Variants in ST3GAL4 observed in about 807,000 individuals in gnomAD.
ST3GAL4 encodes ST3 beta-galactoside alpha-2,3-sialyltransferase 4.
In ST3GAL4, 24 loss-of-function variants were observed where a neutral mutation model predicts 42.6. That is an observed-to-expected ratio of 0.56 (90% confidence interval 0.41 to 0.79). The LOEUF (loss-of-function observed/expected upper bound fraction) is 0.79. Among genes scored for constraint, ST3GAL4 ranks in the 30% least tolerant of loss-of-function variants. ST3GAL4 has a pLI of 0.00. For missense variants in ST3GAL4, 311 were observed against 430.8 expected, an observed-to-expected ratio of 0.72 and a Z score of 2.46; for synonymous variants, 135 against 163.2, an observed-to-expected ratio of 0.83 and a Z score of 1.32.
At position 126,398,546 on chromosome 11, in the gene ST3GAL4, T is replaced by A. The variant is rs1265380174; in HGVS notation, c.-60-7550T>A. Among the ~76,000 whole-genome samples the A allele has an allele frequency of 6.6e-6, 1 of 152,150 alleles. No individual in the cohort carries two copies. Among genetic ancestry groups the A allele is most frequent in the Non-Finnish European group, 1.5e-5 (1 of 68,028 alleles). ...CTGGTAGCTCTGCAGTTCTGGGGTG[T>A]CAGGATGGCCTTACTCCCACAGCTC... is the stretch of plus-strand genomic sequence containing the variant. On this transcript the variant is annotated intron_variant, in intron 1 of 10. Coordinates refer to ENST00000444328, the MANE Select transcript of ST3GAL4 (RefSeq NM_001254757.2). The surrounding 1 kb of genome is among the most constrained non-coding windows in gnomAD (Gnocchi z 4.7).
chr11:126,357,991 T>TG (rs1378660391), intron 1 of ST3GAL4, among the ~76,000 whole-genome samples: 3 of 152,220 alleles, frequency 2.0e-5, no homozygotes, highest in Non-Finnish European at 2.9e-5. Flanking sequence ...AGGAGCTGGC[T>TG]GGGGGGCCTG....
rs1417281249 is a variant in ST3GAL4, at chr11:126,396,503, C to T, written c.-60-9593C>T. ...GCCTTGAACACGTACTGCAGAGCTT[C>T]CAGAGAGCACCAGGGCTGTGGGGGC... is the stretch of plus-strand genomic sequence containing the variant. On this transcript the variant is annotated intron_variant, in intron 1 of 10. Coordinates refer to ENST00000444328, the MANE Select transcript of ST3GAL4 (RefSeq NM_001254757.2). This position sits in a 1 kb window ranked among gnomAD's most constrained non-coding sequence, Gnocchi z 5.8. Among the ~76,000 whole-genome samples the T allele has an allele frequency of 6.6e-6, 1 of 151,920 alleles. No individual in the cohort carries two copies. The highest frequency in any genetic ancestry group is 1.5e-5 in the Non-Finnish European group (1 of 68,016).
chr11:126,387,505 C>G (rs1953273996), intron 1 of ST3GAL4, among the ~76,000 whole-genome samples: 1 of 151,896 alleles, frequency 6.6e-6, no homozygotes, highest in Non-Finnish European at 1.5e-5. Context: ...TGGTGAGACC[C>G]CATCTCTCCA....
rs1429394566 is a variant in ST3GAL4 at position 126,407,575 on chromosome 11, G to C, written c.282G>C (p.Glu94Asp). Residue 94 changes from glutamate (E) to aspartate (D), a missense_variant and splice_region_variant, in exon 6 of 11, where the codon GAG (glutamate) becomes GAC (aspartate). By Grantham distance (45) the Glu-to-Asp change is conservative. Coordinates refer to ENST00000444328, the MANE Select transcript of ST3GAL4 (RefSeq NM_001254757.2). Reference protein sequence around the residue: ...YELPYGTKGSEDLLLRVLAIT... With the variant: ...YELPYGTKGSDDLLLRVLAIT... ...CCCTCCGCCTGGTACTTTTTGTAGA[G>C]GATCTGCTCCTCCGGGTGCTAGCCA... 1.9e-6 allele frequency: 3 copies of C among 1,613,990 alleles called. No individual in the cohort carries two copies. Among genetic ancestry groups the C allele is most frequent in the Non-Finnish European group, 2.5e-6 (3 of 1,180,028 alleles).
rs1158779289 is a variant in ST3GAL4, at chr11:126,386,603, A to T, written c.-60-19493A>T. ...CTGGCCAGCTGTGCCGGAATTAGGA[A>T]GTGGGTACAGCTGGACAAAAGGTGG... On this transcript the variant is annotated intron_variant, in intron 1 of 10. Transcript: ENST00000444328. The surrounding 1 kb of genome is among the most constrained non-coding windows in gnomAD (Gnocchi z 4.7). 6.6e-6 allele frequency among the ~76,000 whole-genome samples: 1 copy of T among 152,056 alleles called. No individual in the cohort carries two copies. The highest frequency in any genetic ancestry group is 2.1e-4 in the South Asian group (1 of 4,808).
At chr11:126,362,185 A>G (rs1390402327) in intron 1 of ST3GAL4, among the ~76,000 whole-genome samples, 2 of 129,124 alleles carry the variant, frequency 1.5e-5, no homozygotes, top group African/African-American at 6.1e-5. Context: ...TCTGGCCAAC[A>G]TTTCTTCCTT....
At chr11:126,365,558 A>G (rs1182257679) in intron 1 of ST3GAL4, among the ~76,000 whole-genome samples, 2 of 151,898 alleles carry the variant, frequency 1.3e-5, no homozygotes, top group African/African-American at 4.8e-5. Context: ...GACCTGTTGA[A>G]CCAGTTGTAG....
At chr11:126,367,625 G>T (rs1952482515) in intron 1 of ST3GAL4, among the ~76,000 whole-genome samples, 1 of 152,182 alleles carries the variant, frequency 6.6e-6, no homozygotes, top group South Asian at 2.1e-4. Context: ...CACCTCTGAG[G>T]ACTTGCTGCT....
intron 1 of ST3GAL4, chr11:126,405,857 C>T: frequency 1.8e-6 from 1 of 555,262 alleles, no homozygotes; most frequent in Non-Finnish European, 3.2e-6. Context: ...AGTCCCGAGT[C>T]CCTGGCTGGA....
rs541615133 is a variant in ST3GAL4 at position 126,409,518 on chromosome 11, G to A, written c.771+107G>A. 80 of 1,486,874 alleles carry A rather than the reference G, an allele frequency of 5.4e-5. No individual in the cohort carries two copies. Among genetic ancestry groups the A allele is most frequent in the South Asian group, 5.2e-4 (43 of 82,110 alleles). The allele number at this position is 1,486,874 out of a possible 1,614,324, so 92.1% of individuals were successfully genotyped here. A position where few individuals can be genotyped will look rare whatever the true frequency, so the allele number is the denominator to read the frequency against. On this transcript the variant is annotated intron_variant, in intron 9 of 10. Transcript: ENST00000444328. The surrounding 1 kb of genome is among the most constrained non-coding windows in gnomAD (Gnocchi z 4.9). ...GGAAGGATCCCATAACAGAGGCGGC[G>A]GTTTGCATTTTCCCTCCAGGAACAC...
rs533669235 is a variant in ST3GAL4, at chr11:126,409,928, C to T, written c.771+517C>T. ...GGTTTTTGTTTTGTTTTAAAGATAG[C>T]GTCTCACTCTGCCACCCAGGATTGG... On this transcript the variant is annotated intron_variant, in intron 9 of 10. Transcript: ENST00000444328. This position sits in a 1 kb window ranked among gnomAD's most constrained non-coding sequence, Gnocchi z 4.9. 6.6e-6 allele frequency among the ~76,000 whole-genome samples: 1 copy of T among 152,220 alleles called. No homozygotes were observed. The highest frequency in any genetic ancestry group is 2.4e-5 in the African/African-American group (1 of 41,514).
rs1229400074 is a variant in ST3GAL4 at position 126,381,685 on chromosome 11, C to A, written c.-60-24411C>A. Among the ~76,000 whole-genome samples the A allele has an allele frequency of 3.3e-5, 5 of 150,348 alleles. No homozygotes were observed. In the South Asian group the frequency reaches 1.1e-3, roughly 32 times the overall value. On this transcript the variant is annotated intron_variant, in intron 1 of 10. Transcript: ENST00000444328. ...GATGCTTTGTCTTCTTTTCTTTGGA[C>A]CTTTCCCACCAGTCCTGGATAGGCT...
chr11:126,371,798 A>T lies in ST3GAL4; in HGVS notation c.-61+15956A>T, dbSNP rs529227952. ...ACTCGGGGCTGTGCCCGGAAATGCAATCGCCAGATTGTAAGGTATGCACGT... is the reference window on the plus strand; with the variant it reads ...ACTCGGGGCTGTGCCCGGAAATGCATTCGCCAGATTGTAAGGTATGCACGT... On this transcript the variant is annotated intron_variant, in intron 1 of 10. Transcript: ENST00000444328. 6.6e-5 allele frequency among the ~76,000 whole-genome samples: 10 copies of T among 152,360 alleles called. No homozygotes were observed. In the South Asian group the frequency reaches 1.9e-3, roughly 28 times the overall value.
intron 1 of ST3GAL4, among the ~76,000 whole-genome samples, chr11:126,394,076 C>G (rs2135493131): frequency 6.6e-6 from 1 of 152,358 alleles, no homozygotes; most frequent in Non-Finnish European, 1.5e-5. Context: ...GGGGCTGGTG[C>G]AGTCCACCAT....
rs536120408 is a variant in ST3GAL4 at position 126,396,481 on chromosome 11, T to G, written c.-60-9615T>G. 4.1e-4 allele frequency among the ~76,000 whole-genome samples: 62 copies of G among 152,086 alleles called. No homozygotes were observed. The highest frequency in any genetic ancestry group is 3.7e-4 in the Non-Finnish European group (25 of 68,018). Reference sequence around the variant, plus strand: ...GGTCCCATGAATACAGCTGTGTGCCTTGAACACGTACTGCAGAGCTTCCAG... The same window carrying G: ...GGTCCCATGAATACAGCTGTGTGCCGTGAACACGTACTGCAGAGCTTCCAG... On this transcript the variant is annotated intron_variant, in intron 1 of 10. Coordinates refer to ENST00000444328, the MANE Select transcript of ST3GAL4 (RefSeq NM_001254757.2). The surrounding 1 kb of genome is among the most constrained non-coding windows in gnomAD (Gnocchi z 5.8).
chr11:126,394,607 T>C (rs1156283278), intron 1 of ST3GAL4, among the ~76,000 whole-genome samples: 4 of 152,016 alleles, frequency 2.6e-5, no homozygotes, highest in Admixed American at 6.6e-5. Context: ...GTATTTTTTA[T>C]AGAGATGGGG....
Position 126,363,721 on chromosome 11 carries a change from TG to T in ST3GAL4, c.-61+7880del, listed in dbSNP as rs1229849508. Reference sequence around the variant, plus strand: ...GACTAAGCTTCCCTAGCCTGGGACCTGAACCCTCCACCCTCCTCTCTCTTGA... The same window carrying T: ...GACTAAGCTTCCCTAGCCTGGGACCTAACCCTCCACCCTCCTCTCTCTTGA... On this transcript the variant is annotated intron_variant, in intron 1 of 10. Transcript: ENST00000444328. This position sits in a 1 kb window ranked among gnomAD's most constrained non-coding sequence, Gnocchi z 4.6. Among the ~76,000 whole-genome samples, 4 of 152,238 alleles carry T rather than the reference TG, an allele frequency of 2.6e-5. No homozygotes were observed. The highest frequency in any genetic ancestry group is 6.5e-5 in the Admixed American group (1 of 15,288).
intron 1 of ST3GAL4, among the ~76,000 whole-genome samples, chr11:126,382,784 C>T (rs2135447614): frequency 6.6e-6 from 1 of 152,346 alleles, no homozygotes; most frequent in Middle Eastern, 3.4e-3. Context: ...AATCCTCTGT[C>T]CCCAGGCAGT....
chr11:126,395,521 C>T (rs1201575104), intron 1 of ST3GAL4, among the ~76,000 whole-genome samples: 3 of 152,126 alleles, frequency 2.0e-5, no homozygotes, highest in East Asian at 1.9e-4. Context: ...GGCAGTGATA[C>T]GGTTTGGCTG....
Sources: gnomAD v4.1 joint callset for allele counts (sites outside exome capture counted in the v4.1 genomes callset) on GRCh38, gnomAD v4.1.1 for gene constraint, Gnocchi (gnomAD v3.1) non-coding constraint, MANE v1.5 for transcripts, NCBI Gene and HGNC (gene_info 2026-07-23, HGNC 2026-07-21) for gene names.